Variants in DHX34 observed in about 807,000 individuals in gnomAD.
DHX34 encodes the protein probable ATP-dependent RNA helicase DHX34.
In DHX34, 96 loss-of-function variants were observed where a neutral mutation model predicts 111.1. The ratio of observed to expected loss-of-function variants is 0.86; its 90% CI spans 0.73 to 1.02. The LOEUF (loss-of-function observed/expected upper bound fraction) is 1.02. Among genes scored for constraint, DHX34 ranks in the 50% least tolerant of loss-of-function variants. The pLI is 0.00. For synonymous variants in DHX34, 688 were observed against 670.4 expected, an observed-to-expected ratio of 1.03 and a Z score of -0.41; for missense variants, 1,560 against 1,579.9, an observed-to-expected ratio of 0.99 and a Z score of 0.21.
At chr19:47,350,456 T>C (rs1969251716) in intron 1 of DHX34, among the ~76,000 whole-genome samples, 1 of 151,352 alleles carries the variant, frequency 6.6e-6, no homozygotes, top group African/African-American at 2.4e-5. Context: ...AGTTTCGCTC[T>C]TGTTGCCCAG....
At chr19:47,376,637 TG>T in intron 12 of DHX34, 77 bp downstream of exon 12, 1 of 1,510,324 alleles carries the variant, frequency 6.6e-7, no homozygotes, top group South Asian at 1.3e-5. Context: ...CAGGCCCCTC[TG>T]GCTGGGGCTC....
chr19:47,352,751 A>T lies in DHX34; in HGVS notation c.-277-3A>T. The T allele has an allele frequency of 2.1e-6, 1 of 472,530 alleles. No individual in the cohort carries two copies. Among genetic ancestry groups the T allele is most frequent in the Non-Finnish European group, 3.7e-6 (1 of 270,664 alleles). 29.3% of individuals were successfully genotyped at this position (472,530 alleles called of 1,614,324 possible). A position where few individuals can be genotyped will look rare whatever the true frequency, so the allele number is the denominator to read the frequency against. ...ATTAATGTCTTCTGTTCTCTCTCTT[A>T]AGAATCCAGGGCCTGAAAACCCAGA... On this transcript the variant is annotated splice_region_variant and splice_polypyrimidine_tract_variant and intron_variant, in intron 1 of 16. Transcript: ENST00000328771.
chr19:47,358,557 G>C (rs1338268853), intron 4 of DHX34, among the ~76,000 whole-genome samples: 4 of 151,712 alleles, frequency 2.6e-5, no homozygotes, highest in African/African-American at 9.7e-5. Flanking sequence ...GGGCTCAAGT[G>C]ATCCTCTCTC....
In DHX34 at chr19:47,376,540, G is replaced by A. The variant is rs751519732; in HGVS notation, c.2579G>A (p.Ser860Asn). Residue 860 changes from serine (S) to asparagine (N), a missense_variant, in exon 12 of 17, where the codon AGC (serine) becomes AAC (asparagine). Ser to Asn is a conservative substitution (Grantham distance 46, BLOSUM62 1). Transcript: ENST00000328771. ...EVLHAQELEA[S>N]NCDGSRDDKD... ...CTGCACGCACAGGAGCTGGAGGCCA[G>A]CAACTGCGACGGAAGCCGAGGTACA... The A allele has an allele frequency of 5.7e-6, 9 of 1,571,202 alleles. No homozygotes were observed. The Admixed American group carries it at 1.5e-4, about 26-fold the overall frequency.
intron 8 of DHX34, 28 bp downstream of exon 8, chr19:47,372,951 C>CT: frequency 7.3e-7 from 1 of 1,373,592 alleles, no homozygotes; most frequent in Non-Finnish European, 9.6e-7. Context: ...GGCCCTCTGT[C>CT]TGTCACCCTG....
chr19:47,360,335 G>A (rs896440291), intron 5 of DHX34, among the ~76,000 whole-genome samples: 1 of 152,168 alleles, frequency 6.6e-6, no homozygotes, highest in Non-Finnish European at 1.5e-5. Context: ...GGAGGGTCAC[G>A]TTAGTGCTGA....
chr19:47,376,717 G>C, intron 12 of DHX34, 157 bp downstream of exon 12: 1 of 1,425,292 alleles, frequency 7.0e-7, no homozygotes, highest in South Asian at 1.4e-5. Flanking sequence ...GGCCTCCCTG[G>C]GTAGCCTTGG....
At chr19:47,359,819 G>A in intron 4 of DHX34, 149 bp from the exon 5 acceptor site, 1 of 1,484,776 alleles carries the variant, frequency 6.7e-7, no homozygotes, top group South Asian at 1.3e-5. Flanking sequence ...AGGTGATGGG[G>A]TGGACGGTGA....
At chr19:47,373,357 C>A in intron 8 of DHX34, 1 of 522,718 alleles carries the variant, frequency 1.9e-6, no homozygotes, top group Non-Finnish European at 2.5e-6. Context: ...GTGACAGTGA[C>A]AACCCAGAGA....
At chr19:47,360,358 T>A (rs1020812975) in intron 5 of DHX34, among the ~76,000 whole-genome samples, 2 of 152,200 alleles carry the variant, frequency 1.3e-5, no homozygotes, top group Non-Finnish European at 2.9e-5. Context: ...ACATTTCAGA[T>A]TTTCGAGCAT....
At chr19:47,379,585 G>A (rs751361097) in intron 13 of DHX34, 125 bp from the exon 14 acceptor site, 13 of 1,477,084 alleles carry the variant, frequency 8.8e-6, no homozygotes, top group East Asian at 4.7e-5. Flanking sequence ...GGTAGATGGC[G>A]GGTAGGTGGA....
At chr19:47,352,125 G>C (rs1203711930) in intron 1 of DHX34, among the ~76,000 whole-genome samples, 1 of 152,028 alleles carries the variant, frequency 6.6e-6, no homozygotes, top group Non-Finnish European at 1.5e-5. Context: ...TCTCCTTTAG[G>C]TCTCAGGTGA....
intron 4 of DHX34, among the ~76,000 whole-genome samples, chr19:47,358,635 G>A (rs955910448): frequency 2.7e-5 from 4 of 150,222 alleles, no homozygotes; most frequent in African/African-American, 9.8e-5. Context: ...TTCTTTTTGG[G>A]ACAGAGTCTC....
rs371290591 is a variant in DHX34, at chr19:47,377,137, C to T, written c.2637C>T (p.Leu879=). The change falls in exon 13 of 17, where the codon CTC becomes CTT. Residue 879 remains leucine (L), a synonymous_variant. Transcript: ENST00000328771. The stretch of plus-strand genomic sequence containing the variant: ...AGATGAGCAGCAAACACCAGCTCCT[C>T]AGCTTCGTGTCCCTGCTGGAGACCA... ...KDKMSSKHQL[L]SFVSLLETNK... 28 of 1,613,928 alleles carry T rather than the reference C, an allele frequency of 1.7e-5. No homozygotes were observed. The highest frequency in any genetic ancestry group is 6.7e-5 in the Admixed American group (4 of 59,998).
Position 47,375,672 on chromosome 19 carries a change from A to T in DHX34, c.2271A>T (p.Pro757=). 6.4e-7 allele frequency: 1 copy of T among 1,557,324 alleles called. No homozygotes were observed. The highest frequency in any genetic ancestry group is 8.7e-7 in the Non-Finnish European group (1 of 1,155,034). Residue 757 remains proline, a synonymous_variant, in exon 10 of 17, where the codon CCA becomes CCT. Coordinates refer to ENST00000328771, the MANE Select transcript of DHX34 (RefSeq NM_014681.6). The stretch of plus-strand genomic sequence containing the variant: ...CCAGTGACGAGGACAGGGCTGGCCC[A>T]GCCCCCCCAGGGGCCAGTGATGGCG... ...GGSSDEDRAG[P]APPGASDGVD...
At position 47,376,299 on chromosome 19, in the gene DHX34, C is replaced by G. The variant is rs1001783701; in HGVS notation, c.2482-144C>G. 7 of 1,503,386 alleles carry G rather than the reference C, an allele frequency of 4.7e-6. No individual in the cohort carries two copies. In the East Asian group the frequency reaches 9.8e-5, roughly 21 times the overall value. The allele number at this position is 1,503,386 out of a possible 1,614,324, so 93.1% of individuals were successfully genotyped here. The stretch of plus-strand genomic sequence containing the variant: ...GGGAGTCAAGAGCACTATAGGAGCC[C>G]ACAGGGGGCATCTGCCCCAGATTTG... On this transcript the variant is annotated intron_variant, in intron 11 of 16. Transcript: ENST00000328771.
At position 47,381,338 on chromosome 19, in the gene DHX34, T is replaced by G. The variant is rs779588095; in HGVS notation, c.3298+14T>G. The G allele has an allele frequency of 1.9e-6, 3 of 1,606,254 alleles. No homozygotes were observed. The highest frequency in any genetic ancestry group is 2.2e-5 in the South Asian group (2 of 90,788). ...ATGGGCCCCCAGGTAAGCACAGGAC[T>G]GTGGGGACCCGGCCACCTCTGCCCA... is the stretch of plus-strand genomic sequence containing the variant. On this transcript the variant is annotated intron_variant, in intron 16 of 16. Coordinates refer to ENST00000328771, the MANE Select transcript of DHX34 (RefSeq NM_014681.6).
At chr19:47,373,960 G>T (rs1446662538) in intron 9 of DHX34, among the ~76,000 whole-genome samples, 1 of 152,144 alleles carries the variant, frequency 6.6e-6, no homozygotes, top group Non-Finnish European at 1.5e-5. Flanking sequence ...TCCGGACTGG[G>T]GATGCTGAGC....
rs1969368694 is a variant in DHX34, at chr19:47,353,789, G to A, written c.705+54G>A. 1 of 1,448,584 alleles carries A rather than the reference G, an allele frequency of 6.9e-7. No individual in the cohort carries two copies. Among genetic ancestry groups the A allele is most frequent in the African/African-American group, 1.4e-5 (1 of 70,890 alleles). 89.7% of individuals were successfully genotyped at this position (1,448,584 alleles called of 1,614,324 possible). ...TTTCCAGCGTGACCTTGGGGGAATA[G>A]GTTGCTTGTCCATATGGCAGTATCA... On this transcript the variant is annotated intron_variant, in intron 2 of 16. Coordinates refer to ENST00000328771, the MANE Select transcript of DHX34 (RefSeq NM_014681.6). The surrounding 1 kb of genome is among the most constrained non-coding windows in gnomAD (Gnocchi z 4.6).
Sources: gnomAD v4.1 joint callset for allele counts (sites outside exome capture counted in the v4.1 genomes callset) on GRCh38, gnomAD v4.1.1 for gene constraint, Gnocchi (gnomAD v3.1) non-coding constraint, MANE v1.5 for transcripts, NCBI Gene and HGNC (gene_info 2026-07-23, HGNC 2026-07-21) for gene names.